KCNK12: variants seen among roughly 807,000 people sequenced by gnomAD.
KCNK12 encodes the protein potassium two pore domain channel subfamily K member 12.
KCNK12 carries 6 observed loss-of-function variants against 25.3 expected under a neutral mutation model. The observed-to-expected ratio is 0.24, with a 90% confidence interval of 0.13 to 0.47. KCNK12 has a LOEUF of 0.47. Ranked by LOEUF, KCNK12 falls within the 20% of genes least tolerant of loss-of-function variation. The pLI is 0.99. For synonymous variants in KCNK12, 331 were observed against 311.1 expected (o/e 1.06, Z -0.67); for missense variants, 444 against 661.7 (o/e 0.67, Z 3.61).
At position 47,513,795 on chromosome 2, in the gene KCNK12, A is replaced by G. The variant is rs1213378912; in HGVS notation, c.*7112T>C. ...GGCTCCGTCCCAATTCCTCTCTCTC[A>G]GTCTTATCATCCCCATCCAGGCAAA... On this transcript the variant is annotated 3_prime_UTR_variant, in exon 2 of 2. Transcript: ENST00000327876. 6.6e-6 allele frequency among the ~76,000 whole-genome samples: 1 copy of G among 151,950 alleles called. No individual in the cohort carries two copies. Among genetic ancestry groups the G allele is most frequent in the African/African-American group, 2.4e-5 (1 of 41,356 alleles).
At chr2:47,544,283 G>C (rs2104825172) in intron 1 of KCNK12, among the ~76,000 whole-genome samples, 1 of 152,328 alleles carries the variant, frequency 6.6e-6, no homozygotes, top group Non-Finnish European at 1.5e-5. Context: ...TACAGTCTCA[G>C]CCTGTAACGC....
At chr2:47,563,954 G>A (rs1197541727) in intron 1 of KCNK12, 7 of 231,964 alleles carry the variant, frequency 3.0e-5, no homozygotes, top group Non-Finnish European at 6.0e-5. Flanking sequence ...CCAGGGGAGA[G>A]CAGGGGGATC....
intron 1 of KCNK12, 103 bp from the exon 2 acceptor site, chr2:47,521,911 GCTC>G (rs1668665363): frequency 4.1e-6 from 4 of 981,304 alleles, no homozygotes; most frequent in Non-Finnish European, 5.8e-6. Context: ...TGCTTGCGCG[GCTC>G]CTATCTCGAG....
rs1669707849 is a variant in KCNK12 at position 47,562,806 on chromosome 2, C to T, written c.391+7135G>A. The stretch of plus-strand genomic sequence containing the variant: ...CTCACCAACTCTCCCCGTGTAGAAA[C>T]TCTGCAGAGAGTATGACCGTGTCTC... On this transcript the variant is annotated intron_variant, in intron 1 of 1. Coordinates refer to ENST00000327876, the MANE Select transcript of KCNK12 (RefSeq NM_022055.2). This position sits in a 1 kb window ranked among gnomAD's most constrained non-coding sequence, Gnocchi z 4.8. 1 of 233,018 alleles carries T rather than the reference C, an allele frequency of 4.3e-6. No homozygotes were observed. Among genetic ancestry groups the T allele is most frequent in the Non-Finnish European group, 8.5e-6 (1 of 118,030 alleles). 14.4% of individuals were successfully genotyped at this position (233,018 alleles called of 1,614,324 possible).
chr2:47,536,744 T>G (rs1468279537), intron 1 of KCNK12, among the ~76,000 whole-genome samples: 3 of 152,056 alleles, frequency 2.0e-5, no homozygotes, highest in African/African-American at 7.2e-5. Context: ...AGTTCTTGAG[T>G]TAGGTGATTT....
At chr2:47,559,125 C>A (rs2104877057) in intron 1 of KCNK12, among the ~76,000 whole-genome samples, 1 of 152,302 alleles carries the variant, frequency 6.6e-6, no homozygotes, top group South Asian at 2.1e-4. Flanking sequence ...AGGGCTGAGG[C>A]TTAGAATTGT....
In KCNK12 at chr2:47,557,685, G is replaced by C. The variant is rs1229612158; in HGVS notation, c.391+12256C>G. On this transcript the variant is annotated intron_variant, in intron 1 of 1. Transcript: ENST00000327876. This position sits in a 1 kb window ranked among gnomAD's most constrained non-coding sequence, Gnocchi z 4.9. ...TTTGTAAGGCAATTTCCGTATGTTAGGCATACAATCCAATCTCTGCTTGAC... is the reference window on the plus strand; with the variant it reads ...TTTGTAAGGCAATTTCCGTATGTTACGCATACAATCCAATCTCTGCTTGAC... Among the ~76,000 whole-genome samples the C allele has an allele frequency of 6.6e-6, 1 of 152,094 alleles. No individual in the cohort carries two copies.
chr2:47,543,676 G>A (rs1156560738), intron 1 of KCNK12: 1 of 152,284 alleles, frequency 6.6e-6, no homozygotes, highest in African/African-American at 2.4e-5. Context: ...GCAGAGTCGG[G>A]GATCAGGACG....
In KCNK12 at chr2:47,570,006, G is replaced by A. The variant is rs1232672007; in HGVS notation, c.326C>T (p.Ala109Val). 1.4e-6 allele frequency: 2 copies of A among 1,432,094 alleles called. No individual in the cohort carries two copies. The highest frequency in any genetic ancestry group is 1.8e-6 in the Non-Finnish European group (2 of 1,092,536). The allele number at this position is 1,432,094 out of a possible 1,614,324, so 88.7% of individuals were successfully genotyped here. The change falls in exon 1 of 2, where the codon GCG becomes GTG. Residue 109 changes from alanine to valine, a missense_variant. By Grantham distance (64) the Ala-to-Val change is moderately conservative (BLOSUM62 0). Around this residue, in one of 8 missense-constraint regions of KCNK12, gnomAD observed 106 missense variants for 142.2 expected, o/e 0.75. Coordinates refer to ENST00000327876, the MANE Select transcript of KCNK12 (RefSeq NM_022055.2). Reference protein sequence around the residue: ...AALAAGVRADALRPRWDFPGA... With the variant: ...AALAAGVRADVLRPRWDFPGA... The stretch of plus-strand genomic sequence containing the variant: ...GGGGAAGTCCCAGCGCGGGCGCAGC[G>A]CGTCGGCGCGGACGCCGGCGGCCAG...
chr2:47,567,501 G>T (rs991421015), intron 1 of KCNK12, among the ~76,000 whole-genome samples: 4 of 152,226 alleles, frequency 2.6e-5, no homozygotes, highest in Non-Finnish European at 5.9e-5. Flanking sequence ...ATTTTGCAAA[G>T]AGAAAGCTGA....
In KCNK12 at chr2:47,569,854, G is replaced by A; in HGVS notation, c.391+87C>T. ...ACATTAGAAGGGAAGGCAGAGCCGA[G>A]GGACGCGGACCGAGCGGCCGAGCAG... On this transcript the variant is annotated intron_variant, in intron 1 of 1. Transcript: ENST00000327876. This position sits in a 1 kb window ranked among gnomAD's most constrained non-coding sequence, Gnocchi z 4.1. 1 of 1,111,518 alleles carries A rather than the reference G, an allele frequency of 9.0e-7. No individual in the cohort carries two copies. Among genetic ancestry groups the A allele is most frequent in the Non-Finnish European group, 1.2e-6 (1 of 857,762 alleles). 68.9% of individuals were successfully genotyped at this position (1,111,518 alleles called of 1,614,324 possible).
chr2:47,526,623 C>T (rs1256477916), intron 1 of KCNK12, among the ~76,000 whole-genome samples: 1 of 151,948 alleles, frequency 6.6e-6, no homozygotes, highest in Admixed American at 6.6e-5. Flanking sequence ...ATCCCAGCTA[C>T]TTGGGAGGCT....
chr2:47,558,674 T>C (rs992137248), intron 1 of KCNK12, among the ~76,000 whole-genome samples: 2 of 152,178 alleles, frequency 1.3e-5, no homozygotes, highest in Non-Finnish European at 2.9e-5. Flanking sequence ...AAGAGGATCA[T>C]GGCCATTTGG....
At chr2:47,535,053 G>A (rs977032364) in intron 1 of KCNK12, 4 of 228,690 alleles carry the variant, frequency 1.7e-5, no homozygotes, top group East Asian at 1.2e-4. Context: ...GAGGGGGCAC[G>A]CAGAGCCCTC....
Position 47,570,369 on chromosome 2 carries a change from G to C in KCNK12, c.-38C>G. 1 of 1,217,600 alleles carries C rather than the reference G, an allele frequency of 8.2e-7. No individual in the cohort carries two copies. The allele number at this position is 1,217,600 out of a possible 1,614,324, so 75.4% of individuals were successfully genotyped here. A position where few individuals can be genotyped will look rare whatever the true frequency, so the allele number is the denominator to read the frequency against. On this transcript the variant is annotated 5_prime_UTR_variant, in exon 1 of 2. Coordinates refer to ENST00000327876, the MANE Select transcript of KCNK12 (RefSeq NM_022055.2). The stretch of plus-strand genomic sequence containing the variant: ...AGCCCCGGGGCCGGGGCGGCGCTCG[G>C]GGCCCGGGCCACGACATCCCCCCGG...
Position 47,550,630 on chromosome 2 carries a change from G to A in KCNK12, c.391+19311C>T, listed in dbSNP as rs369893064. On this transcript the variant is annotated intron_variant, in intron 1 of 1. Transcript: ENST00000327876. ...ACTCCTGACCTCAAGTGACCCACCC[G>A]CCTCGGCCTCCCAAAGTGTTGGGAT... 4.6e-5 allele frequency among the ~76,000 whole-genome samples: 7 copies of A among 151,936 alleles called. No homozygotes were observed. The South Asian group carries it at 8.3e-4, about 18-fold the overall frequency.
At chr2:47,549,490 A>G (rs892161113) in intron 1 of KCNK12, among the ~76,000 whole-genome samples, 8 of 152,266 alleles carry the variant, frequency 5.3e-5, no homozygotes, top group Admixed American at 6.5e-5. Context: ...GTCAATAGAA[A>G]CAGACCCAGA....
chr2:47,544,136 C>T (rs1669260960), intron 1 of KCNK12, among the ~76,000 whole-genome samples: 1 of 152,210 alleles, frequency 6.6e-6, no homozygotes, highest in African/African-American at 2.4e-5. Context: ...CAAAGACAGC[C>T]TTCCACCCTG....
chr2:47,512,252 G>A lies in KCNK12; in HGVS notation c.*8655C>T. 6.2e-7 allele frequency: 1 copy of A among 1,603,632 alleles called. No homozygotes were observed. The highest frequency in any genetic ancestry group is 1.1e-5 in the South Asian group (1 of 89,462). On this transcript the variant is annotated 3_prime_UTR_variant, in exon 2 of 2. Coordinates refer to ENST00000327876, the MANE Select transcript of KCNK12 (RefSeq NM_022055.2). ...TGTTTGCTGAGTATCGTTCTTGATG[G>A]AAATCCCCGTGGAACTCCTACATTT...
Sources: gnomAD v4.1 joint callset for allele counts (sites outside exome capture counted in the v4.1 genomes callset) on GRCh38, gnomAD v4.1.1 for gene constraint, gnomAD v4.1.1 regional missense constraint, Gnocchi (gnomAD v3.1) non-coding constraint, MANE v1.5 for transcripts, NCBI Gene and HGNC (gene_info 2026-07-23, HGNC 2026-07-21) for gene names.